ZNF106: variants seen among roughly 807,000 people sequenced by gnomAD.
ZNF106 encodes SH3-domain binding protein 3.
In ZNF106, 67 loss-of-function variants were observed where a neutral mutation model predicts 195.1. The observed-to-expected ratio is 0.34, with a 90% CI of 0.28 to 0.42. ZNF106 has a LOEUF of 0.42. ZNF106 is among the 10% of genes least tolerant of loss of function. The probability of loss-of-function intolerance (pLI) is 1.00; values close to 1 mark genes in which losing one functional copy is unlikely to be tolerated. For synonymous variants in ZNF106, 784 were observed against 818.6 expected (o/e 0.96, Z 0.72); for missense variants, 2,118 against 2,304.5 (o/e 0.92, Z 1.66).
At chr15:42,423,027 C>T (rs1419986776) in intron 17 of ZNF106, among the ~76,000 whole-genome samples, 1 of 152,004 alleles carries the variant, frequency 6.6e-6, no homozygotes, top group East Asian at 1.9e-4. Context: ...CCTCTATGAC[C>T]TGAGAACAGT....
At chr15:42,446,208 A>G (rs1259213094) in intron 7 of ZNF106, among the ~76,000 whole-genome samples, 1 of 152,238 alleles carries the variant, frequency 6.6e-6, no homozygotes, top group Non-Finnish European at 1.5e-5. Flanking sequence ...AATGTCCAAA[A>G]AAAGTAAATG....
intron 1 of ZNF106, among the ~76,000 whole-genome samples, chr15:42,478,633 A>G (rs988880207): frequency 1.4e-5 from 2 of 147,806 alleles, no homozygotes; most frequent in African/African-American, 5.1e-5. Context: ...CTCCTGCCTC[A>G]GCCTCCCGAG....
chr15:42,421,992 AGGC>A lies in ZNF106; in HGVS notation c.5374-7_5374-5del, dbSNP rs1286428743. 6.3e-7 allele frequency: 1 copy of A among 1,576,234 alleles called. No individual in the cohort carries two copies. Among genetic ancestry groups the A allele is most frequent in the African/African-American group, 1.3e-5 (1 of 74,156 alleles). ...AAACTTGTAATCGATCATGAGACTT[AGGC>A]AGAAAAAAAAAAAGAGAATTGAAGT... On this transcript the variant is annotated splice_polypyrimidine_tract_variant and splice_region_variant and intron_variant, in intron 18 of 21. Transcript: ENST00000564754.
chr15:42,468,892 T>C (rs2056595772), intron 2 of ZNF106, among the ~76,000 whole-genome samples: 1 of 151,916 alleles, frequency 6.6e-6, no homozygotes, highest in South Asian at 2.1e-4. Context: ...AATCGATTAA[T>C]ATACACATCT....
chr15:42,459,823 G>A (rs538222297), intron 3 of ZNF106, among the ~76,000 whole-genome samples: 4 of 151,890 alleles, frequency 2.6e-5, no homozygotes, highest in South Asian at 2.1e-4. Flanking sequence ...GGTGGATCAC[G>A]AGGTCAGGAG....
At chr15:42,463,714 T>C (rs545748673) in intron 3 of ZNF106, among the ~76,000 whole-genome samples, 3 of 151,442 alleles carry the variant, frequency 2.0e-5, no homozygotes, top group African/African-American at 7.3e-5. Context: ...GTGGGAGGAT[T>C]GTTTGAGCCC....
In ZNF106 at chr15:42,420,980, G is replaced by A. The variant is rs773582700; in HGVS notation, c.5517+81C>T. On this transcript the variant is annotated intron_variant, in intron 20 of 21. Coordinates refer to ENST00000564754, the MANE Select transcript of ZNF106 (RefSeq NM_001366845.3). Reference sequence around the variant, plus strand: ...TGCTAAAATATAAAAATGCTACACTGATGATAATGAAGATCTATCAATTAG... The same window carrying A: ...TGCTAAAATATAAAAATGCTACACTAATGATAATGAAGATCTATCAATTAG... The A allele has an allele frequency of 3.8e-5, 47 of 1,222,894 alleles. 1 individual carries two copies. Among genetic ancestry groups the A allele is most frequent in the South Asian group, 3.3e-4 (27 of 82,950 alleles). The allele number at this position is 1,222,894 out of a possible 1,614,324, so 75.8% of individuals were successfully genotyped here.
chr15:42,462,092 C>T (rs777849322), intron 3 of ZNF106, among the ~76,000 whole-genome samples: 2 of 152,106 alleles, frequency 1.3e-5, no homozygotes, highest in East Asian at 1.9e-4. Context: ...AGTTTGGGTG[C>T]GAAACCTGAC....
At position 42,450,681 on chromosome 15, in the gene ZNF106, T is replaced by C. The variant is rs749637602; in HGVS notation, c.1591A>G (p.Ser531Gly). ...CCTTTTAAAACATGAGGACATGAAC[T>C]ACGCAGTTTGGATATGTAAGGACCA... ...NHGPYISKLR[S>G]SCPHVLKGNK... Residue 531 changes from serine (S) to glycine (G), a missense_variant, in exon 5 of 22, where the codon AGT (serine) becomes GGT (glycine). Physicochemically the swap from Ser to Gly is moderately conservative, Grantham distance 56. Transcript: ENST00000564754. 2 of 1,614,088 alleles carry C rather than the reference T, an allele frequency of 1.2e-6. No individual in the cohort carries two copies. The highest frequency in any genetic ancestry group is 1.7e-6 in the Non-Finnish European group (2 of 1,180,034).
intron 2 of ZNF106, among the ~76,000 whole-genome samples, chr15:42,469,730 C>T (rs1474036819): frequency 1.3e-5 from 2 of 151,872 alleles, no homozygotes; most frequent in South Asian, 2.1e-4. Flanking sequence ...CCCAGCTACT[C>T]AGGAGGCTGA....
At chr15:42,462,665 C>T (rs2056420586) in intron 3 of ZNF106, among the ~76,000 whole-genome samples, 1 of 152,270 alleles carries the variant, frequency 6.6e-6, no homozygotes, top group Non-Finnish European at 1.5e-5. Context: ...ACGCACCAAC[C>T]ATTGAGTCTC....
intron 3 of ZNF106, among the ~76,000 whole-genome samples, chr15:42,460,051 A>C (rs1235447478): frequency 1.3e-5 from 2 of 151,798 alleles, no homozygotes; most frequent in African/African-American, 4.9e-5. Context: ...TCAAAAAAAA[A>C]AAAAAAGAAA....
In ZNF106 at chr15:42,448,117, T is replaced by C; in HGVS notation, c.3090A>G (p.Glu1030=). 1 of 1,614,128 alleles carries C rather than the reference T, an allele frequency of 6.2e-7. No individual in the cohort carries two copies. Among genetic ancestry groups the C allele is most frequent in the Non-Finnish European group, 8.5e-7 (1 of 1,179,964 alleles). Residue 1030 remains glutamate, a synonymous_variant, in exon 6 of 22, where the codon GAA becomes GAG. Coordinates refer to ENST00000564754, the MANE Select transcript of ZNF106 (RefSeq NM_001366845.3). ...ATDSSCTSGA[E]QNDGQSIRKK... is the part of the protein sequence containing the mutation. Reference sequence around the variant, plus strand: ...TTCTAATACTTTGGCCATCATTTTGTTCAGCACCAGAGGTACAGCTACTAT... The same window carrying C: ...TTCTAATACTTTGGCCATCATTTTGCTCAGCACCAGAGGTACAGCTACTAT...
chr15:42,422,592 C>T lies in ZNF106; in HGVS notation c.5282G>A (p.Gly1761Asp). ...HTGELVRIYKGHNHAVTVVNI... is the reference protein window; with the variant it reads ...HTGELVRIYKDHNHAVTVVNI... The stretch of plus-strand genomic sequence containing the variant: ...CACCACAGTCACTGCATGATTGTGA[C>T]CTTTATAGATCCGCACGAGCTCACC... The change falls in exon 18 of 22, where the codon GGT (glycine) becomes GAT (aspartate). Residue 1761 changes from glycine to aspartate, a missense_variant. Coordinates refer to ENST00000564754, the MANE Select transcript of ZNF106 (RefSeq NM_001366845.3). 1 of 1,613,272 alleles carries T rather than the reference C, an allele frequency of 6.2e-7. No individual in the cohort carries two copies. The highest frequency in any genetic ancestry group is 8.5e-7 in the Non-Finnish European group (1 of 1,179,854).
At chr15:42,424,281 C>A in intron 16 of ZNF106, 1 of 508,596 alleles carries the variant, frequency 2.0e-6, no homozygotes. Context: ...TGTTACCTTT[C>A]CAGAATGATT....
intron 6 of ZNF106, 84 bp from the exon 7 acceptor site, chr15:42,446,742 G>A (rs2055788776): frequency 8.5e-7 from 1 of 1,173,620 alleles, no homozygotes; most frequent in Non-Finnish European, 1.2e-6. Flanking sequence ...TTCTAAGATA[G>A]CCATACACTG....
chr15:42,438,484 T>A, intron 12 of ZNF106, 128 bp downstream of exon 12: 1 of 775,504 alleles, frequency 1.3e-6, no homozygotes, highest in Non-Finnish European at 2.1e-6. Context: ...AAGGCAATCC[T>A]CTTGGTGATA....
intron 1 of ZNF106, among the ~76,000 whole-genome samples, chr15:42,483,166 C>A (rs557718015): frequency 4.7e-5 from 7 of 149,294 alleles, no homozygotes; most frequent in African/African-American, 1.5e-4. Flanking sequence ...CTAGAATCTG[C>A]CTGGTTTTTT....
chr15:42,484,791 C>A (rs1348198548), intron 1 of ZNF106, among the ~76,000 whole-genome samples: 1 of 151,974 alleles, frequency 6.6e-6, no homozygotes, highest in Non-Finnish European at 1.5e-5. Context: ...AAAATAGTGA[C>A]CAACTCAATA....
Sources: gnomAD v4.1 joint callset for allele counts (sites outside exome capture counted in the v4.1 genomes callset) on GRCh38, gnomAD v4.1.1 for gene constraint, MANE v1.5 for transcripts, NCBI Gene and HGNC (gene_info 2026-07-23, HGNC 2026-07-21) for gene names.